The following PEX3 variants were observed in gnomAD, a reference collection of about 807,000 sequenced individuals.
PEX3 encodes peroxin-3.
Under a neutral mutation model 55.8 loss-of-function variants are expected in PEX3, and 30 were observed. That is an observed-to-expected ratio of 0.54 (90% CI 0.40 to 0.73). The LOEUF (loss-of-function observed/expected upper bound fraction) is 0.73. Ranked by LOEUF, PEX3 falls within the 30% of genes least tolerant of loss-of-function variation. PEX3 has a pLI of 0.00. For synonymous variants in PEX3, 135 were observed against 148.4 expected, an observed-to-expected ratio of 0.91 and a Z score of 0.66; for missense variants, 351 against 432.8, an observed-to-expected ratio of 0.81 and a Z score of 1.68.
At position 143,463,036 on chromosome 6, in the gene PEX3, A is replaced by G; in HGVS notation, c.287+39A>G. ...ACAGCATTTTCTGTTTAAGCACTACACTTAAAGTTTATAGAATGAACTGAT... is the reference window on the plus strand; with the variant it reads ...ACAGCATTTTCTGTTTAAGCACTACGCTTAAAGTTTATAGAATGAACTGAT... On this transcript the variant is annotated intron_variant, in intron 3 of 11. Transcript: ENST00000367591. The surrounding 1 kb of genome is among the most constrained non-coding windows in gnomAD (Gnocchi z 5.7). 7.1e-7 allele frequency: 1 copy of G among 1,408,296 alleles called. No individual in the cohort carries two copies. The highest frequency in any genetic ancestry group is 1.0e-6 in the Non-Finnish European group (1 of 992,450). 87.2% of individuals were successfully genotyped at this position (1,408,296 alleles called of 1,614,324 possible). A position where few individuals can be genotyped will look rare whatever the true frequency, so the allele number is the denominator to read the frequency against.
At position 143,490,485 on chromosome 6, in the gene PEX3, G is replaced by C. The variant is rs1314254069; in HGVS notation, c.*1259G>C. On this transcript the variant is annotated 3_prime_UTR_variant, in exon 12 of 12. Coordinates refer to ENST00000367591, the MANE Select transcript of PEX3 (RefSeq NM_003630.3). The surrounding 1 kb of genome is among the most constrained non-coding windows in gnomAD (Gnocchi z 6.0). ...CATAGCCCTCACCATAGACACCTCTGAGCCCACTGGCATTGTCTCTGAGCA... is the reference window on the plus strand; with the variant it reads ...CATAGCCCTCACCATAGACACCTCTCAGCCCACTGGCATTGTCTCTGAGCA... The C allele has an allele frequency of 1.5e-5, 4 of 270,538 alleles. No homozygotes were observed. Among genetic ancestry groups the C allele is most frequent in the Admixed American group, 5.2e-5 (1 of 19,386 alleles). 16.8% of individuals were successfully genotyped at this position (270,538 alleles called of 1,614,324 possible).
intron 10 of PEX3, among the ~76,000 whole-genome samples, chr6:143,481,856 A>G (rs1199702154): frequency 6.6e-6 from 1 of 152,106 alleles, no homozygotes; most frequent in Non-Finnish European, 1.5e-5. Context: ...TGTCTCTACA[A>G]AAATTTTTAA....
In PEX3 at chr6:143,453,664, C is replaced by G. The variant is rs1779805285; in HGVS notation, c.73+2549C>G. 6.6e-6 allele frequency among the ~76,000 whole-genome samples: 1 copy of G among 152,174 alleles called. No individual in the cohort carries two copies. Among genetic ancestry groups the G allele is most frequent in the African/African-American group, 2.4e-5 (1 of 41,442 alleles). Reference sequence around the variant, plus strand: ...TGAAGATTTGCCTGACATCTTCACACTTTCCTCACTCATGCGATCCTCTCA... The same window carrying G: ...TGAAGATTTGCCTGACATCTTCACAGTTTCCTCACTCATGCGATCCTCTCA... On this transcript the variant is annotated intron_variant, in intron 1 of 11. Transcript: ENST00000367591. The surrounding 1 kb of genome is among the most constrained non-coding windows in gnomAD (Gnocchi z 4.6).
At position 143,475,712 on chromosome 6, in the gene PEX3, T is replaced by C. The variant is rs1408947352; in HGVS notation, c.818+856T>C. ...TGTTTCCCAGGTATTTGTTCTTTCT[T>C]CATTGGCAACTGCCTCCCAGGCAAT... On this transcript the variant is annotated intron_variant, in intron 9 of 11. Coordinates refer to ENST00000367591, the MANE Select transcript of PEX3 (RefSeq NM_003630.3). This position sits in a 1 kb window ranked among gnomAD's most constrained non-coding sequence, Gnocchi z 4.4. 6.6e-6 allele frequency among the ~76,000 whole-genome samples: 1 copy of C among 152,202 alleles called. No individual in the cohort carries two copies. Among genetic ancestry groups the C allele is most frequent in the Non-Finnish European group, 1.5e-5 (1 of 68,034 alleles).
At chr6:143,484,737 A>T (rs1428621454) in intron 10 of PEX3, among the ~76,000 whole-genome samples, 5 of 152,136 alleles carry the variant, frequency 3.3e-5, no homozygotes, top group African/African-American at 1.2e-4. Context: ...TAGATTAAGA[A>T]AATTTAGGCA....
chr6:143,468,082 C>T, intron 3 of PEX3, 40 bp from the exon 4 acceptor site: 2 of 1,062,032 alleles, frequency 1.9e-6, no homozygotes, highest in Non-Finnish European at 1.4e-6. Context: ...ATTAGATTAT[C>T]TAGATTATTA....
At position 143,454,115 on chromosome 6, in the gene PEX3, G is replaced by A. The variant is rs1041732879; in HGVS notation, c.73+3000G>A. On this transcript the variant is annotated intron_variant, in intron 1 of 11. Transcript: ENST00000367591. The surrounding 1 kb of genome is among the most constrained non-coding windows in gnomAD (Gnocchi z 4.3). ...TTTCAAAAAATTAATGAGTGTCATT[G>A]TTTTACATTTTGCAAATCTTTTTAA... Among the ~76,000 whole-genome samples, 1 of 151,990 alleles carries A rather than the reference G, an allele frequency of 6.6e-6. No individual in the cohort carries two copies. The highest frequency in any genetic ancestry group is 1.5e-5 in the Non-Finnish European group (1 of 68,000).
Position 143,464,803 on chromosome 6 carries a change from A to C in PEX3, c.287+1806A>C, listed in dbSNP as rs1297102364. Among the ~76,000 whole-genome samples the C allele has an allele frequency of 1.3e-5, 2 of 151,890 alleles. No homozygotes were observed. Among genetic ancestry groups the C allele is most frequent in the Non-Finnish European group, 2.9e-5 (2 of 67,826 alleles). On this transcript the variant is annotated intron_variant, in intron 3 of 11. Transcript: ENST00000367591. The surrounding 1 kb of genome is among the most constrained non-coding windows in gnomAD (Gnocchi z 5.8). The stretch of plus-strand genomic sequence containing the variant: ...ATCATTAAATAAGGCCTCCAATCTT[A>C]TGACTGCTTTTATATTAATTTTATA...
At position 143,462,533 on chromosome 6, in the gene PEX3, CA is replaced by C. The variant is rs1346905355; in HGVS notation, c.206-382del. Among the ~76,000 whole-genome samples the C allele has an allele frequency of 3.3e-5, 5 of 151,886 alleles. No individual in the cohort carries two copies. The highest frequency in any genetic ancestry group is 1.2e-4 in the African/African-American group (5 of 41,332). On this transcript the variant is annotated intron_variant, in intron 2 of 11. Transcript: ENST00000367591. This position sits in a 1 kb window ranked among gnomAD's most constrained non-coding sequence, Gnocchi z 4.1. ...ATATAAAAATGCTTTTGATCATTGT[CA>C]TTAAATCAGAAGTAAACACTTTTGT...
intron 3 of PEX3, among the ~76,000 whole-genome samples, chr6:143,467,767 A>C (rs918995079): frequency 6.6e-6 from 1 of 152,180 alleles, no homozygotes; most frequent in Non-Finnish European, 1.5e-5. Context: ...GTAAAACAAA[A>C]AAAACTTCAT....
chr6:143,478,975 A>G, intron 9 of PEX3, 101 bp from the exon 10 acceptor site: 1 of 707,472 alleles, frequency 1.4e-6, no homozygotes, highest in Non-Finnish European at 2.6e-6. Context: ...GATTATGACT[A>G]GAAATGTTGG....
chr6:143,460,539 T>C (rs1016730900), intron 2 of PEX3, among the ~76,000 whole-genome samples: 3 of 152,174 alleles, frequency 2.0e-5, no homozygotes, highest in Admixed American at 1.3e-4. Context: ...TAGGGAATGG[T>C]CCATTTCTGC....
intron 10 of PEX3, among the ~76,000 whole-genome samples, chr6:143,480,639 C>T (rs1010201637): frequency 3.9e-5 from 6 of 152,176 alleles, no homozygotes; most frequent in Non-Finnish European, 7.3e-5. Context: ...CAACTTCATG[C>T]TCCATGATTG....
intron 9 of PEX3, among the ~76,000 whole-genome samples, chr6:143,477,719 C>T (rs949875268): frequency 6.6e-6 from 1 of 152,096 alleles, no homozygotes; most frequent in African/African-American, 2.4e-5. Flanking sequence ...ATGCAGCAAG[C>T]ACTGTTCTAT....
chr6:143,462,916 T>G lies in PEX3; in HGVS notation c.206T>G (p.Val69Gly). The G allele has an allele frequency of 1.9e-6, 3 of 1,611,268 alleles. No individual in the cohort carries two copies. Among genetic ancestry groups the G allele is most frequent in the Non-Finnish European group, 2.5e-6 (3 of 1,177,450 alleles). The change falls in exon 3 of 12, where the codon GTG becomes GGG. Residue 69 changes from valine (V) to glycine (G), a missense_variant and splice_region_variant. Transcript: ENST00000367591. This position sits in a 1 kb window ranked among gnomAD's most constrained non-coding sequence, Gnocchi z 4.1. The stretch of plus-strand genomic sequence containing the variant: ...TTTATTTTTTTTGTTTGTATTACAG[T>G]GCTGTCCATGCTTCCAACACTGAGA... ...ESNQRTCNMTVLSMLPTLREA... is the reference protein window; with the variant it reads ...ESNQRTCNMTGLSMLPTLREA...
rs1396143887 is a variant in PEX3, at chr6:143,482,396, A to G, written c.942-2756A>G. On this transcript the variant is annotated intron_variant, in intron 10 of 11. Coordinates refer to ENST00000367591, the MANE Select transcript of PEX3 (RefSeq NM_003630.3). The surrounding 1 kb of genome is among the most constrained non-coding windows in gnomAD (Gnocchi z 5.5). ...GAAGGGGACAGACTTTATACTTAGA[A>G]ACCCAAGAGAGTCAACTAAAAAGTG... is the stretch of plus-strand genomic sequence containing the variant. 6.6e-6 allele frequency among the ~76,000 whole-genome samples: 1 copy of G among 152,126 alleles called. No individual in the cohort carries two copies. The highest frequency in any genetic ancestry group is 1.5e-5 in the Non-Finnish European group (1 of 67,978).
At position 143,453,445 on chromosome 6, in the gene PEX3, C is replaced by T. The variant is rs907160842; in HGVS notation, c.73+2330C>T. On this transcript the variant is annotated intron_variant, in intron 1 of 11. Coordinates refer to ENST00000367591, the MANE Select transcript of PEX3 (RefSeq NM_003630.3). The surrounding 1 kb of genome is among the most constrained non-coding windows in gnomAD (Gnocchi z 4.6). ...TTTGGGTGGGTAACTAATTGGTTTA[C>T]GCGTTTGTATAATTTGACCAGTTTG... Among the ~76,000 whole-genome samples, 6 of 151,950 alleles carry T rather than the reference C, an allele frequency of 3.9e-5. No individual in the cohort carries two copies. The highest frequency in any genetic ancestry group is 1.2e-4 in the African/African-American group (5 of 41,372).
Position 143,471,331 on chromosome 6 carries a change from T to A in PEX3, c.457-52T>A. On this transcript the variant is annotated intron_variant, in intron 5 of 11. Transcript: ENST00000367591. The surrounding 1 kb of genome is among the most constrained non-coding windows in gnomAD (Gnocchi z 5.4). ...CCAAAGTTTTATTGAAAACATTTCTTATTTACCAGTTTAAAACTTGGATAA... is the reference window on the plus strand; with the variant it reads ...CCAAAGTTTTATTGAAAACATTTCTAATTTACCAGTTTAAAACTTGGATAA... The A allele has an allele frequency of 7.5e-7, 1 of 1,324,694 alleles. No individual in the cohort carries two copies. Among genetic ancestry groups the A allele is most frequent in the Non-Finnish European group, 1.1e-6 (1 of 920,460 alleles). The allele number at this position is 1,324,694 out of a possible 1,614,324, so 82.1% of individuals were successfully genotyped here.
At position 143,464,977 on chromosome 6, in the gene PEX3, T is replaced by C. The variant is rs1779972980; in HGVS notation, c.287+1980T>C. Among the ~76,000 whole-genome samples, 1 of 152,016 alleles carries C rather than the reference T, an allele frequency of 6.6e-6. No homozygotes were observed. On this transcript the variant is annotated intron_variant, in intron 3 of 11. Transcript: ENST00000367591. The surrounding 1 kb of genome is among the most constrained non-coding windows in gnomAD (Gnocchi z 5.8). ...CTTCATAACAGCAAATAAACAGTTATCACTGTTTTTGATATTTGGCACTCT... is the reference window on the plus strand; with the variant it reads ...CTTCATAACAGCAAATAAACAGTTACCACTGTTTTTGATATTTGGCACTCT...
Sources: allele counts gnomAD v4.1 joint callset (sites outside exome capture counted in the v4.1 genomes callset), GRCh38; gene constraint gnomAD v4.1.1; non-coding constraint Gnocchi (gnomAD v3.1); transcripts MANE v1.5; gene names NCBI Gene and HGNC (gene_info 2026-07-23, HGNC 2026-07-21).